Variants in PEX5L observed in about 807,000 individuals in gnomAD.
PEX5L encodes peroxisomal biogenesis factor 5 like.
In PEX5L, 30 loss-of-function variants were observed where a neutral mutation model predicts 84.0. The observed-to-expected ratio is 0.36, with a 90% CI of 0.27 to 0.48. PEX5L has a LOEUF of 0.48. PEX5L is among the 20% of genes least tolerant of loss of function. PEX5L has a pLI of 0.99. For missense variants in PEX5L, 533 were observed against 754.6 expected, an observed-to-expected ratio of 0.71 and a Z score of 3.44; for synonymous variants, 270 against 283.1, an observed-to-expected ratio of 0.95 and a Z score of 0.46.
chr3:180,015,397 C>T (rs995561989), intron 1 of PEX5L, among the ~76,000 whole-genome samples: 4 of 152,108 alleles, frequency 2.6e-5, no homozygotes, highest in African/African-American at 7.2e-5. Context: ...TTCTCCAAAA[C>T]GAGGTGTGTG....
chr3:179,856,259 A>T (rs139276046), intron 8 of PEX5L, among the ~76,000 whole-genome samples: 194 of 152,340 alleles, frequency 1.3e-3, no homozygotes, highest in African/African-American at 4.5e-3. Context: ...CATGTTACCT[A>T]TTATGCTGTT....
chr3:179,847,079 GTGTATA>G (rs887524729), intron 8 of PEX5L, among the ~76,000 whole-genome samples: 3 of 106,482 alleles, frequency 2.8e-5, no homozygotes, highest in Non-Finnish European at 6.0e-5. Context: ...GTGTGTGTGT[GTGTATA>G]TATATATATA....
At chr3:179,867,465 CTTCT>C (rs1748744028) in intron 7 of PEX5L, among the ~76,000 whole-genome samples, 1 of 152,070 alleles carries the variant, frequency 6.6e-6, no homozygotes. Flanking sequence ...GCCTGCCTGC[CTTCT>C]TTCTTTCTTC....
chr3:180,021,616 T>C (rs930417774), intron 1 of PEX5L, among the ~76,000 whole-genome samples: 1 of 152,164 alleles, frequency 6.6e-6, no homozygotes, highest in African/African-American at 2.4e-5. Context: ...ACTTAGGTAA[T>C]TGAGTGGATG....
chr3:179,976,023 G>T (rs1310898103), intron 1 of PEX5L, among the ~76,000 whole-genome samples: 1 of 152,186 alleles, frequency 6.6e-6, no homozygotes, highest in Admixed American at 6.5e-5. Context: ...GATCACTAGG[G>T]TTAATTGAAA....
At chr3:179,991,844 G>T (rs1787407239) in intron 1 of PEX5L, among the ~76,000 whole-genome samples, 3 of 152,076 alleles carry the variant, frequency 2.0e-5, no homozygotes, top group African/African-American at 7.2e-5. Context: ...AACTTTTCAA[G>T]AAGATAAATC....
chr3:179,944,034 T>G (rs1019374957), intron 2 of PEX5L, among the ~76,000 whole-genome samples: 1 of 149,466 alleles, frequency 6.7e-6, no homozygotes, highest in African/African-American at 2.5e-5. Context: ...GTTTATAAAC[T>G]TATATTCCAC....
At chr3:180,007,471 T>C (rs1038887589) in intron 1 of PEX5L, among the ~76,000 whole-genome samples, 2 of 152,166 alleles carry the variant, frequency 1.3e-5, no homozygotes, top group African/African-American at 4.8e-5. Context: ...TGGAGGACAG[T>C]AGTCCTCTTC....
At chr3:179,964,550 C>T (rs1175766012) in intron 2 of PEX5L, among the ~76,000 whole-genome samples, 8 of 152,176 alleles carry the variant, frequency 5.3e-5, no homozygotes, top group African/African-American at 1.9e-4. Flanking sequence ...AACTATGCAT[C>T]TCACGAAGGT....
At chr3:179,862,574 G>C (rs1746598006) in intron 7 of PEX5L, among the ~76,000 whole-genome samples, 1 of 151,994 alleles carries the variant, frequency 6.6e-6, no homozygotes, top group Admixed American at 6.6e-5. Flanking sequence ...TCATTGTTTT[G>C]CTTTTGGAAC....
At chr3:179,948,238 T>A (rs1268903261) in intron 2 of PEX5L, among the ~76,000 whole-genome samples, 1 of 152,202 alleles carries the variant, frequency 6.6e-6, no homozygotes, top group Admixed American at 6.5e-5. Context: ...GTATTTGCAT[T>A]TGAGGCAGAT....
intron 1 of PEX5L, among the ~76,000 whole-genome samples, chr3:180,007,140 G>A (rs113101113): frequency 0.079 from 12,059 of 152,130 alleles, 680 homozygotes; most frequent in Non-Finnish European, 0.12. Context: ...AGATACAATG[G>A]GGGTACAGGT....
At chr3:179,992,602 C>T (rs1441272292) in intron 1 of PEX5L, among the ~76,000 whole-genome samples, 4 of 152,028 alleles carry the variant, frequency 2.6e-5, no homozygotes, top group East Asian at 1.9e-4. Context: ...GCAGTGGAAA[C>T]GTAACAGATG....
chr3:179,974,093 G>C, intron 1 of PEX5L: 3 of 985,658 alleles, frequency 3.0e-6, no homozygotes, highest in Non-Finnish European at 3.6e-6. Flanking sequence ...AGCCCAGGCA[G>C]GGATCTTCAG....
At chr3:179,958,739 G>A (rs1781249145) in intron 2 of PEX5L, among the ~76,000 whole-genome samples, 1 of 152,174 alleles carries the variant, frequency 6.6e-6, no homozygotes, top group Admixed American at 6.5e-5. Flanking sequence ...AAGGATTTAA[G>A]ATACTTAACT....
chr3:180,032,770 C>T (rs1182057753), intron 1 of PEX5L, among the ~76,000 whole-genome samples: 1 of 152,148 alleles, frequency 6.6e-6, no homozygotes, highest in Non-Finnish European at 1.5e-5. Context: ...GGGAGAATTG[C>T]TTGAGCCAGG....
chr3:179,968,204 TA>T (rs1303177488), intron 2 of PEX5L, among the ~76,000 whole-genome samples: 1 of 152,168 alleles, frequency 6.6e-6, no homozygotes, highest in African/African-American at 2.4e-5. Context: ...GAAAACATTT[TA>T]AAAAATTGTT....
In PEX5L at chr3:179,836,717, T is replaced by C. The variant is rs114656084; in HGVS notation, c.823-16741A>G. Among the ~76,000 whole-genome samples the C allele has an allele frequency of 1.8e-3, 279 of 152,312 alleles. 2 individuals are homozygous for C. Among genetic ancestry groups the C allele is most frequent in the African/African-American group, 6.3e-3 (264 of 41,580 alleles). On this transcript the variant is annotated intron_variant, in intron 8 of 14. Coordinates refer to ENST00000467460, the MANE Select transcript of PEX5L (RefSeq NM_016559.3). Reference sequence around the variant, plus strand: ...AAACCAATTAGATCATTTAACCAAATTTGTTGTGGTTTTGTCTTTTGACAG... The same window carrying C: ...AAACCAATTAGATCATTTAACCAAACTTGTTGTGGTTTTGTCTTTTGACAG...
chr3:179,937,150 C>T (rs1027213097), intron 2 of PEX5L, among the ~76,000 whole-genome samples: 4 of 152,094 alleles, frequency 2.6e-5, no homozygotes, highest in African/African-American at 4.8e-5. Context: ...TAAGGAGCTT[C>T]AGGCCATCTT....
Sources: gnomAD v4.1 joint callset for allele counts (sites outside exome capture counted in the v4.1 genomes callset) on GRCh38, gnomAD v4.1.1 for gene constraint, MANE v1.5 for transcripts, NCBI Gene and HGNC (gene_info 2026-07-23, HGNC 2026-07-21) for gene names.